Variants in NPAS3 observed in about 807,000 individuals in gnomAD.
NPAS3 encodes the protein neuronal PAS domain-containing protein 3.
NPAS3 carries 14 observed loss-of-function variants against 73.1 expected under a neutral mutation model. The observed-to-expected ratio is 0.19, with a 90% CI of 0.13 to 0.30. NPAS3 has a LOEUF of 0.30. NPAS3 is among the 10% of genes least tolerant of loss of function. The pLI is 1.00. For synonymous variants in NPAS3, 620 were observed against 541.5 expected, an observed-to-expected ratio of 1.14 and a Z score of -2.01; for missense variants, 1,096 against 1,250.0, an observed-to-expected ratio of 0.88 and a Z score of 1.86.
chr14:33,571,576 C>T (rs7143602), intron 5 of NPAS3, among the ~76,000 whole-genome samples: 16,528 of 152,008 alleles, frequency 0.11, 1,067 homozygotes, highest in East Asian at 0.23. Context: ...AGGTAGGCTA[C>T]GGAATGAAAT....
chr14:33,358,422 A>G (rs1232791835), intron 3 of NPAS3, among the ~76,000 whole-genome samples: 1 of 151,932 alleles, frequency 6.6e-6, no homozygotes. Context: ...GGGCAGGATG[A>G]TGCGCCTGGA....
intron 5 of NPAS3, among the ~76,000 whole-genome samples, chr14:33,665,015 C>G (rs1044436400): frequency 1.3e-5 from 2 of 152,124 alleles, no homozygotes; most frequent in African/African-American, 4.8e-5. Flanking sequence ...GGGTATATAC[C>G]CAGAGGATTA....
chr14:33,585,238 C>G (rs2056821317), intron 5 of NPAS3, among the ~76,000 whole-genome samples: 1 of 151,876 alleles, frequency 6.6e-6, no homozygotes, highest in Non-Finnish European at 1.5e-5. Flanking sequence ...CATGGCGAAA[C>G]TTAAAAGAAA....
intron 3 of NPAS3, among the ~76,000 whole-genome samples, chr14:33,266,370 G>A (rs1010424246): frequency 6.6e-6 from 1 of 152,066 alleles, no homozygotes; most frequent in African/African-American, 2.4e-5. Flanking sequence ...GACTAAAATA[G>A]AATAATTCAG....
chr14:33,291,614 T>A (rs1225953399), intron 3 of NPAS3, among the ~76,000 whole-genome samples: 1 of 152,194 alleles, frequency 6.6e-6, no homozygotes, highest in African/African-American at 2.4e-5. Flanking sequence ...GTTGTGAAAG[T>A]CATACAGGAT....
chr14:33,174,722 A>G (rs1412964613), intron 2 of NPAS3, among the ~76,000 whole-genome samples: 1 of 152,168 alleles, frequency 6.6e-6, no homozygotes, highest in Non-Finnish European at 1.5e-5. Flanking sequence ...TTGAAATGAG[A>G]TAAGGAAATG....
At chr14:33,081,929 T>C (rs1037170748) in intron 2 of NPAS3, among the ~76,000 whole-genome samples, 2 of 152,258 alleles carry the variant, frequency 1.3e-5, no homozygotes, top group Non-Finnish European at 2.9e-5. Context: ...CTTAGGCTGA[T>C]TTATAGGACT....
chr14:33,250,868 A>C (rs2139890114), intron 3 of NPAS3, among the ~76,000 whole-genome samples: 1 of 152,220 alleles, frequency 6.6e-6, no homozygotes, highest in South Asian at 2.1e-4. Flanking sequence ...AATACCATGG[A>C]TAATATCTTT....
chr14:33,507,636 C>G (rs549007272), intron 4 of NPAS3, among the ~76,000 whole-genome samples: 1 of 151,960 alleles, frequency 6.6e-6, no homozygotes. Context: ...TACTGTTCTC[C>G]CTCATTCTGA....
At position 33,503,252 on chromosome 14, in the gene NPAS3, C is replaced by T. The variant is rs1436994852; in HGVS notation, c.469-56869C>T. On this transcript the variant is annotated intron_variant, in intron 4 of 11. Transcript: ENST00000356141. ...AACAATTATAGTAGTAGCTGCTACT[C>T]CACACTATGTAATACTCTAATATTA... 3.9e-5 allele frequency among the ~76,000 whole-genome samples: 6 copies of T among 151,984 alleles called. No individual in the cohort carries two copies. The South Asian group carries it at 6.2e-4, about 16-fold the overall frequency.
intron 1 of NPAS3, among the ~76,000 whole-genome samples, chr14:32,950,628 A>G (rs1452180137): frequency 1.3e-5 from 2 of 152,118 alleles, no homozygotes; most frequent in Non-Finnish European, 2.9e-5. Context: ...AATCTTAACA[A>G]AAAGAAATAA....
intron 2 of NPAS3, among the ~76,000 whole-genome samples, chr14:33,121,440 C>G (rs1227488347): frequency 6.6e-6 from 1 of 152,116 alleles, no homozygotes; most frequent in Non-Finnish European, 1.5e-5. Context: ...GACTCCCCCA[C>G]TAGACTGATT....
intron 6 of NPAS3, 102 bp from the exon 7 acceptor site, chr14:33,735,112 G>A (rs746725072): frequency 3.8e-6 from 3 of 779,788 alleles, no homozygotes; most frequent in Admixed American, 3.6e-5. Context: ...GCACCCATCA[G>A]TCATTTATTT....
chr14:33,170,871 ACTT>A (rs1265429173), intron 2 of NPAS3, among the ~76,000 whole-genome samples: 2 of 152,206 alleles, frequency 1.3e-5, no homozygotes, highest in Non-Finnish European at 2.9e-5. Flanking sequence ...GTTGGAATCA[ACTT>A]CTTCCCATCT....
intron 3 of NPAS3, among the ~76,000 whole-genome samples, chr14:33,292,635 CAA>C (rs2042146747): frequency 1.3e-5 from 2 of 151,712 alleles, no homozygotes; most frequent in South Asian, 2.1e-4. Context: ...TTTTTAAAGC[CAA>C]AGAGACTTCC....
chr14:32,962,522 C>T (rs909743839), intron 1 of NPAS3, among the ~76,000 whole-genome samples: 2 of 150,350 alleles, frequency 1.3e-5, no homozygotes, highest in African/African-American at 4.9e-5. Context: ...GTTTATACCA[C>T]AAATCTTTGG....
chr14:33,390,893 G>A (rs188944129), intron 4 of NPAS3, among the ~76,000 whole-genome samples: 47 of 152,056 alleles, frequency 3.1e-4, no homozygotes, highest in African/African-American at 1.1e-3. Flanking sequence ...TCCTGCCCAT[G>A]TTTGATAATT....
At chr14:33,071,030 C>A (rs1261671180) in intron 2 of NPAS3, among the ~76,000 whole-genome samples, 1 of 152,074 alleles carries the variant, frequency 6.6e-6, no homozygotes, top group Non-Finnish European at 1.5e-5. Context: ...GTAATTTTAG[C>A]CTCTATCAGT....
chr14:33,126,049 G>T (rs1453601723), intron 2 of NPAS3, among the ~76,000 whole-genome samples: 1 of 152,152 alleles, frequency 6.6e-6, no homozygotes, highest in Non-Finnish European at 1.5e-5. Context: ...GTGTGAATGG[G>T]CCATAGATAC....
Sources: gnomAD v4.1 joint callset for allele counts (sites outside exome capture counted in the v4.1 genomes callset) on GRCh38, gnomAD v4.1.1 for gene constraint, MANE v1.5 for transcripts, NCBI Gene and HGNC (gene_info 2026-07-23, HGNC 2026-07-21) for gene names.